ANKRD10: variants seen among roughly 807,000 people sequenced by gnomAD.
ANKRD10 encodes the protein ankyrin repeat domain 10.
ANKRD10 carries 14 observed loss-of-function variants against 27.0 expected under a neutral mutation model. That is an observed-to-expected ratio of 0.52 (90% CI 0.34 to 0.81). The LOEUF is 0.81. ANKRD10 is among the 40% of genes least tolerant of loss of function. ANKRD10 has a pLI of 0.01. For missense variants in ANKRD10, 493 were observed against 544.0 expected (o/e 0.91, Z 0.93); for synonymous variants, 250 against 224.5 (o/e 1.11, Z -1.01).
In ANKRD10 at chr13:110,879,779, T is replaced by G; in HGVS notation, c.1121A>C (p.Tyr374Ser). The change falls in exon 6 of 6, where the codon TAT (tyrosine) becomes TCT (serine). Residue 374 changes from tyrosine (Y) to serine (S), a missense_variant. By Grantham distance (144) the Tyr-to-Ser change is moderately radical. Coordinates refer to ENST00000267339, the MANE Select transcript of ANKRD10 (RefSeq NM_017664.4). Reference protein sequence around the residue: ...WVEDIGDNLYYGHYHGFGDTA... With the variant: ...WVEDIGDNLYSGHYHGFGDTA... ...GTCCCCAAACCCGTGGTAGTGTCCA[T>G]AGTACAGGTTATCCCCAATGTCTTC... is the stretch of plus-strand genomic sequence containing the variant. The G allele has an allele frequency of 6.2e-7, 1 of 1,614,218 alleles. No homozygotes were observed. Among genetic ancestry groups the G allele is most frequent in the Non-Finnish European group, 8.5e-7 (1 of 1,180,032 alleles).
chr13:110,883,586 G>A, intron 5 of ANKRD10, 112 bp downstream of exon 5: 1 of 1,490,066 alleles, frequency 6.7e-7, no homozygotes. Context: ...CTGCATTGCT[G>A]ACACAGTATA....
chr13:110,909,385 C>T (rs1566494215), intron 2 of ANKRD10, among the ~76,000 whole-genome samples: 2 of 152,150 alleles, frequency 1.3e-5, no homozygotes, highest in Admixed American at 6.5e-5. Flanking sequence ...AAACACAAGG[C>T]GCTGCCCAGC....
chr13:110,885,843 C>T (rs1248512924), intron 4 of ANKRD10, among the ~76,000 whole-genome samples: 3 of 152,174 alleles, frequency 2.0e-5, no homozygotes, highest in Non-Finnish European at 4.4e-5. Flanking sequence ...CAATGTTCCC[C>T]GGATAAAGTG....
rs551299054 is a variant in ANKRD10 at position 110,879,310 on chromosome 13, T to G, written c.*327A>C. ...ACCTGATTTACCACCCCAATTTATC[T>G]TGATCATATAATCTTTTAACAAAAA... is the stretch of plus-strand genomic sequence containing the variant. On this transcript the variant is annotated 3_prime_UTR_variant, in exon 6 of 6. Coordinates refer to ENST00000267339, the MANE Select transcript of ANKRD10 (RefSeq NM_017664.4). The G allele has an allele frequency of 1.5e-5, 4 of 269,196 alleles. No homozygotes were observed. The East Asian group carries it at 3.0e-4, about 20-fold the overall frequency. 16.7% of individuals were successfully genotyped at this position (269,196 alleles called of 1,614,324 possible). A position where few individuals can be genotyped will look rare whatever the true frequency, so the allele number is the denominator to read the frequency against.
At chr13:110,909,532 T>G (rs2065633856) in intron 2 of ANKRD10, among the ~76,000 whole-genome samples, 2 of 152,226 alleles carry the variant, frequency 1.3e-5, no homozygotes, top group Admixed American at 1.3e-4. Context: ...ACCTTAAAAC[T>G]TGTCCCATAT....
At chr13:110,914,568 G>A (rs541354317) in intron 1 of ANKRD10, 157 bp downstream of exon 1, 3 of 1,066,104 alleles carry the variant, frequency 2.8e-6, no homozygotes, top group African/African-American at 3.3e-5. Flanking sequence ...GAGCGCTGCC[G>A]CACAGGCGCC....
chr13:110,889,755 A>G (rs1380771104), intron 4 of ANKRD10, among the ~76,000 whole-genome samples: 1 of 152,206 alleles, frequency 6.6e-6, no homozygotes, highest in African/African-American at 2.4e-5. Flanking sequence ...GATCTCCTTA[A>G]GAGGTGACTT....
chr13:110,911,000 A>T (rs1360255002), intron 1 of ANKRD10, among the ~76,000 whole-genome samples: 1 of 152,230 alleles, frequency 6.6e-6, no homozygotes, highest in Non-Finnish European at 1.5e-5. Flanking sequence ...ATGCAAAAAG[A>T]CGACTAACAC....
intron 3 of ANKRD10, among the ~76,000 whole-genome samples, chr13:110,901,864 G>C (rs529477200): frequency 1.3e-5 from 2 of 152,042 alleles, no homozygotes; most frequent in Admixed American, 6.6e-5. Flanking sequence ...AACACAGCAA[G>C]ACCCCATCTC....
rs1254835484 is a variant in ANKRD10 at position 110,892,836 on chromosome 13, C to T, written c.691+192G>A. On this transcript the variant is annotated intron_variant, in intron 4 of 5. Transcript: ENST00000267339. ...ACTTGGGCCATCAGTATTTCCCTCA[C>T]ATTCCCTTTTGTTAAGTCCCATCTT... 4.4e-6 allele frequency: 6 copies of T among 1,375,486 alleles called. No individual in the cohort carries two copies. The East Asian group carries it at 1.6e-4, about 36-fold the overall frequency. 85.2% of individuals were successfully genotyped at this position (1,375,486 alleles called of 1,614,324 possible).
At chr13:110,885,222 A>G (rs2064895056) in intron 4 of ANKRD10, among the ~76,000 whole-genome samples, 1 of 152,052 alleles carries the variant, frequency 6.6e-6, no homozygotes, top group Non-Finnish European at 1.5e-5. Context: ...TTAAGAGATC[A>G]GTGTGTAAGC....
intron 3 of ANKRD10, among the ~76,000 whole-genome samples, chr13:110,902,049 GAAAAAA>G (rs10656736): frequency 5.4e-4 from 62 of 115,392 alleles, no homozygotes; most frequent in South Asian, 1.2e-3. Context: ...TCTCTTTTTA[GAAAAAA>G]AAAAAAAAAA....
intron 3 of ANKRD10, among the ~76,000 whole-genome samples, chr13:110,902,049 G>GGA (rs1198192826): frequency 1.7e-5 from 2 of 115,418 alleles, no homozygotes; most frequent in South Asian, 3.1e-4. Context: ...TCTCTTTTTA[G>GGA]AAAAAAAAAA....
intron 4 of ANKRD10, among the ~76,000 whole-genome samples, chr13:110,887,847 T>A (rs1310103373): frequency 6.6e-6 from 1 of 152,190 alleles, no homozygotes; most frequent in Non-Finnish European, 1.5e-5. Context: ...CCTGTGGCCT[T>A]TCCACTGAAC....
intron 4 of ANKRD10, among the ~76,000 whole-genome samples, chr13:110,889,266 AAAC>A (rs561722450): frequency 6.6e-5 from 10 of 152,216 alleles, no homozygotes; most frequent in South Asian, 2.1e-4. Context: ...TGATTGATAA[AAAC>A]AACAACAAAA....
rs950388808 is a variant in ANKRD10 at position 110,913,990 on chromosome 13, G to A, written c.210+735C>T. The stretch of plus-strand genomic sequence containing the variant: ...AAGAGGGGAACGTAAAGCCTCCACG[G>A]GAAGAGAATTCTGCTTAATTTAACC... On this transcript the variant is annotated intron_variant, in intron 1 of 5. Coordinates refer to ENST00000267339, the MANE Select transcript of ANKRD10 (RefSeq NM_017664.4). Among the ~76,000 whole-genome samples, 6 of 152,288 alleles carry A rather than the reference G, an allele frequency of 3.9e-5. No homozygotes were observed. In the South Asian group the frequency reaches 1.0e-3, roughly 26 times the overall value.
intron 4 of ANKRD10, chr13:110,892,798 CAT>C (rs1486353266): frequency 1.4e-5 from 18 of 1,269,744 alleles, no homozygotes; most frequent in East Asian, 6.1e-5. Flanking sequence ...AAAAGTTCCA[CAT>C]AGACATTTAC....
rs758425043 is a variant in ANKRD10 at position 110,879,947 on chromosome 13, G to A, written c.953C>T (p.Pro318Leu). The A allele has an allele frequency of 1.1e-5, 18 of 1,614,052 alleles. No individual in the cohort carries two copies. The highest frequency in any genetic ancestry group is 4.0e-5 in the African/African-American group (3 of 74,936). ...GAGAGAACCCTGGCTACTCGGAAAC[G>A]GCTGTCCTGGGGCTAATCCACTGCT... The part of the protein sequence containing the change: ...GISSGLAPGQ[P>L]FPSSQGSLCI... The change falls in exon 6 of 6, where the codon CCG (proline) becomes CTG (leucine). Residue 318 changes from proline to leucine, a missense_variant. Transcript: ENST00000267339.
In ANKRD10 at chr13:110,905,875, A is replaced by T. The variant is rs184195847; in HGVS notation, c.455+158T>A. ...TCCTCTAGAGATCAATTTAATCCAC[A>T]CAATTTTCCTCACTAACACCAACTG... On this transcript the variant is annotated intron_variant, in intron 3 of 5. Coordinates refer to ENST00000267339, the MANE Select transcript of ANKRD10 (RefSeq NM_017664.4). Among the ~76,000 whole-genome samples, 137 of 152,348 alleles carry T rather than the reference A, an allele frequency of 9.0e-4. 1 individual carries two copies. The highest frequency in any genetic ancestry group is 1.9e-3 in the Admixed American group (29 of 15,312).
Sources: allele counts gnomAD v4.1 joint callset (sites outside exome capture counted in the v4.1 genomes callset), GRCh38; gene constraint gnomAD v4.1.1; transcripts MANE v1.5; gene names NCBI Gene and HGNC (gene_info 2026-07-23, HGNC 2026-07-21).